Variants in UCHL1 observed in about 807,000 individuals in gnomAD.
The protein encoded by UCHL1 is ubiquitin C-terminal hydrolase L1.
Under a neutral mutation model 33.3 loss-of-function variants are expected in UCHL1, and 5 were observed. The ratio of observed to expected loss-of-function variants is 0.15; its 90% CI spans 0.08 to 0.32. UCHL1 has a LOEUF of 0.32. Among genes scored for constraint, UCHL1 ranks in the 10% least tolerant of loss-of-function variants. UCHL1 has a pLI of 1.00. For synonymous variants in UCHL1, 132 were observed against 108.8 expected (o/e 1.21, Z -1.33); for missense variants, 236 against 280.0 (o/e 0.84, Z 1.12).
At chr4:41,262,042 AC>A in intron 6 of UCHL1, 119 bp downstream of exon 6, 1 of 1,397,932 alleles carries the variant, frequency 7.2e-7, no homozygotes, top group Non-Finnish European at 9.8e-7. Context: ...GCCAAATGAC[AC>A]CAGAAAGTTC....
At chr4:41,267,275 G>A (rs111996777) in intron 8 of UCHL1, among the ~76,000 whole-genome samples, 12 of 151,860 alleles carry the variant, frequency 7.9e-5, no homozygotes, top group South Asian at 4.2e-4. Context: ...ACGGAGTCTC[G>A]CTCTGTCGCC....
intron 8 of UCHL1, among the ~76,000 whole-genome samples, chr4:41,266,430 T>G (rs1172522548): frequency 6.6e-6 from 1 of 152,146 alleles, no homozygotes; most frequent in Non-Finnish European, 1.5e-5. Context: ...CCAAATATCT[T>G]AAGCTTGAAT....
chr4:41,263,981 G>A, intron 7 of UCHL1, 122 bp from the exon 8 acceptor site: 1 of 1,263,926 alleles, frequency 7.9e-7, no homozygotes. Context: ...TCATAACCAG[G>A]CTTCCTTCTG....
chr4:41,260,691 A>C lies in UCHL1; in HGVS notation c.219A>C (p.Gln73His). Reference sequence around the variant, plus strand: ...AGCAGATTGAAGAGCTGAAGGGACAAGAAGTTAGTCCTAAAGTGTACTTCA... The same window carrying C: ...AGCAGATTGAAGAGCTGAAGGGACACGAAGTTAGTCCTAAAGTGTACTTCA... ...RKKQIEELKG[Q>H]EVSPKVYFMK... Residue 73 changes from glutamine to histidine, a missense_variant, in exon 4 of 9, where the codon CAA (glutamine) becomes CAC (histidine). Gln to His is a conservative substitution (Grantham distance 24). Coordinates refer to ENST00000284440, the MANE Select transcript of UCHL1 (RefSeq NM_004181.5). 6.2e-7 allele frequency: 1 copy of C among 1,614,262 alleles called. No homozygotes were observed. The highest frequency in any genetic ancestry group is 1.1e-5 in the South Asian group (1 of 91,092).
rs1780994305 is a variant in UCHL1, at chr4:41,257,354, C to G, written c.45+228C>G. The G allele has an allele frequency of 1.9e-5, 18 of 931,492 alleles. No individual in the cohort carries two copies. In the South Asian group the frequency reaches 2.3e-4, roughly 12 times the overall value. The allele number at this position is 931,492 out of a possible 1,614,324, so 57.7% of individuals were successfully genotyped here. ...GGGGCTGCGCCCCGTGGCGAGCGAG[C>G]GCCAGGCGGAGCTCCCGAGGGCGTG... On this transcript the variant is annotated intron_variant, in intron 2 of 8. Transcript: ENST00000284440.
chr4:41,265,916 A>T (rs764335354), intron 8 of UCHL1, among the ~76,000 whole-genome samples: 1 of 152,240 alleles, frequency 6.6e-6, no homozygotes, highest in Non-Finnish European at 1.5e-5. Flanking sequence ...GAAAACAGGC[A>T]GAATTTCTGG....
At chr4:41,257,164 C>T (rs375632179) in intron 2 of UCHL1, 38 bp downstream of exon 2, 1 of 1,611,500 alleles carries the variant, frequency 6.2e-7, no homozygotes, top group South Asian at 1.1e-5. Context: ...CCCCCTCCCC[C>T]GCGAGCGCCG....
intron 7 of UCHL1, among the ~76,000 whole-genome samples, chr4:41,263,622 C>T (rs553823780): frequency 8.5e-5 from 13 of 152,312 alleles, no homozygotes; most frequent in Middle Eastern, 3.4e-3. Context: ...TCAAGAAAGA[C>T]GACCCACCTT....
rs191480519 is a variant in UCHL1 at position 41,265,699 on chromosome 4, C to T, written c.585+1538C>T. On this transcript the variant is annotated intron_variant, in intron 8 of 8. Transcript: ENST00000284440. Reference sequence around the variant, plus strand: ...TTGGAACTTCACAGACCTGATAGCCCTAAGATGCTAGTGGACCACATTATG... The same window carrying T: ...TTGGAACTTCACAGACCTGATAGCCTTAAGATGCTAGTGGACCACATTATG... 2.2e-3 allele frequency among the ~76,000 whole-genome samples: 329 copies of T among 152,268 alleles called. 1 individual carries two copies. Among genetic ancestry groups the T allele is most frequent in the African/African-American group, 7.7e-3 (319 of 41,542 alleles).
chr4:41,259,524 T>C (rs1252998985), intron 3 of UCHL1, among the ~76,000 whole-genome samples: 2 of 152,226 alleles, frequency 1.3e-5, no homozygotes, highest in Non-Finnish European at 2.9e-5. Context: ...TAAGTTGATC[T>C]TCTGGGGTAA....
chr4:41,257,699 G>T lies in UCHL1; in HGVS notation c.136G>T (p.Ala46Ser). Residue 46 changes from alanine to serine, a missense_variant, in exon 3 of 9, where the codon GCC becomes TCC. Ala to Ser is a moderately conservative substitution (Grantham distance 99, BLOSUM62 1). Transcript: ENST00000284440. ...GTCTCTGGGCTCGGTGCCAGCGCCT[G>T]CCTGCGCGCTGCTGCTGCTGTTTCC... Reference protein sequence around the residue: ...EESLGSVPAPACALLLLFPLT... With the variant: ...EESLGSVPAPSCALLLLFPLT... The T allele has an allele frequency of 6.3e-7, 1 of 1,579,984 alleles. No homozygotes were observed. The highest frequency in any genetic ancestry group is 1.2e-5 in the South Asian group (1 of 86,618).
intron 4 of UCHL1, 151 bp from the exon 5 acceptor site, chr4:41,261,564 C>T (rs1475351026): frequency 3.8e-6 from 3 of 782,346 alleles, no homozygotes; most frequent in African/African-American, 3.5e-5. Context: ...GAAAAAGAGG[C>T]TAGGGGAAAA....
rs1274401336 is a variant in UCHL1, at chr4:41,256,991, G to A, written c.15G>A (p.Pro5=). ...GCTCCGCGAAGATGCAGCTCAAGCC[G>A]ATGGAGATCAACCCCGAGGTGAGCG... The part of the protein sequence containing the change: MQLK[P]MEINPEMLNK... Residue 5 remains proline (P), a synonymous_variant, in exon 1 of 9, where the codon CCG becomes CCA. Coordinates refer to ENST00000284440, the MANE Select transcript of UCHL1 (RefSeq NM_004181.5). 30 of 1,614,082 alleles carry A rather than the reference G, an allele frequency of 1.9e-5. No homozygotes were observed. The highest frequency in any genetic ancestry group is 2.2e-5 in the Non-Finnish European group (26 of 1,180,024).
intron 1 of UCHL1, 35 bp downstream of exon 1, chr4:41,257,044 G>A: frequency 1.2e-6 from 2 of 1,614,192 alleles, no homozygotes; most frequent in African/African-American, 2.7e-5. Flanking sequence ...CGGAGAGCGC[G>A]AGGCCGAGGG....
chr4:41,260,928 T>A, intron 4 of UCHL1, 131 bp downstream of exon 4: 2 of 1,306,532 alleles, frequency 1.5e-6, no homozygotes, highest in Non-Finnish European at 2.2e-6. Context: ...GTCAGACACT[T>A]AATCTGACTC....
chr4:41,267,886 A>T, intron 8 of UCHL1, 101 bp from the exon 9 acceptor site: 1 of 1,028,942 alleles, frequency 9.7e-7, no homozygotes, highest in Non-Finnish European at 1.5e-6. Flanking sequence ...AAAGTTGATG[A>T]GGGTGAACTT....
In UCHL1 at chr4:41,268,433, A is replaced by C. The variant is rs1781188807; in HGVS notation, c.*360A>C. Reference sequence around the variant, plus strand: ...AAACTTTTCTGCTGATAAGATAGCCACAGCTGATTCTCATTTTCTTTTACC... The same window carrying C: ...AAACTTTTCTGCTGATAAGATAGCCCCAGCTGATTCTCATTTTCTTTTACC... On this transcript the variant is annotated 3_prime_UTR_variant, in exon 9 of 9. Transcript: ENST00000284440. The C allele has an allele frequency of 3.5e-6, 1 of 282,778 alleles. No individual in the cohort carries two copies. The highest frequency in any genetic ancestry group is 5.4e-5 in the South Asian group (1 of 18,636). 17.5% of individuals were successfully genotyped at this position (282,778 alleles called of 1,614,324 possible).
At position 41,256,946 on chromosome 4, in the gene UCHL1, C is replaced by A. The variant is rs747954734; in HGVS notation, c.-31C>A. On this transcript the variant is annotated 5_prime_UTR_variant, in exon 1 of 9. Transcript: ENST00000284440. Reference sequence around the variant, plus strand: ...CTCCGCTAGCTGTTTTTCGTCTTCCCTAGGCTATTTCTGCCGGGCGCTCCG... The same window carrying A: ...CTCCGCTAGCTGTTTTTCGTCTTCCATAGGCTATTTCTGCCGGGCGCTCCG... The A allele has an allele frequency of 2.5e-6, 4 of 1,614,122 alleles. No individual in the cohort carries two copies. The South Asian group carries it at 3.3e-5, about 13-fold the overall frequency.
Position 41,263,274 on chromosome 4 carries a change from G to T in UCHL1, c.509G>T (p.Gly170Val). Reference sequence around the variant, plus strand: ...TTTATTCTGTTTAACAACGTGGATGGCCACCTCTATGAACTTGGTATGTTT... The same window carrying T: ...TTTATTCTGTTTAACAACGTGGATGTCCACCTCTATGAACTTGGTATGTTT... ...FHFILFNNVD[G>V]HLYELDGRMP... Residue 170 changes from glycine to valine, a missense_variant, in exon 7 of 9, where the codon GGC (glycine) becomes GTC (valine). Physicochemically the swap from Gly to Val is moderately radical, Grantham distance 109. Transcript: ENST00000284440. The T allele has an allele frequency of 6.2e-7, 1 of 1,614,016 alleles. No homozygotes were observed. Among genetic ancestry groups the T allele is most frequent in the Non-Finnish European group, 8.5e-7 (1 of 1,179,968 alleles).
Sources: gnomAD v4.1 joint callset for allele counts (sites outside exome capture counted in the v4.1 genomes callset) on GRCh38, gnomAD v4.1.1 for gene constraint, MANE v1.5 for transcripts, NCBI Gene and HGNC (gene_info 2026-07-23, HGNC 2026-07-21) for gene names.